Variants in PITPNB observed in about 807,000 individuals in gnomAD.
The protein encoded by PITPNB is phosphatidylinositol transfer protein beta isoform.
In PITPNB, 16 loss-of-function variants were observed where a neutral mutation model predicts 45.9. That is an observed-to-expected ratio of 0.35 (90% CI 0.24 to 0.53). The LOEUF (loss-of-function observed/expected upper bound fraction) is 0.53. PITPNB is among the 20% of genes least tolerant of loss of function. The probability of loss-of-function intolerance (pLI) is 0.93; values close to 1 mark genes in which losing one functional copy is unlikely to be tolerated. For missense variants in PITPNB, 188 were observed against 330.5 expected, an observed-to-expected ratio of 0.57 and a Z score of 3.34; for synonymous variants, 112 against 108.9, an observed-to-expected ratio of 1.03 and a Z score of -0.18.
At chr22:27,898,670 T>A (rs999092200) in intron 3 of PITPNB, among the ~76,000 whole-genome samples, 4 of 152,140 alleles carry the variant, frequency 2.6e-5, no homozygotes, top group African/African-American at 9.7e-5. Context: ...AAAGGACCCA[T>A]GCAGAAAATG....
chr22:27,890,763 G>A lies in PITPNB; in HGVS notation c.456+3792C>T, dbSNP rs1027095030. 7.9e-5 allele frequency among the ~76,000 whole-genome samples: 12 copies of A among 152,300 alleles called. 1 individual carries two copies. In the South Asian group the frequency reaches 1.7e-3, roughly 21 times the overall value. The stretch of plus-strand genomic sequence containing the variant: ...CCGGAGGCGGAGCTTGCAGTGAGCC[G>A]AGATCGCGCCACTGCACTCCAGCCT... On this transcript the variant is annotated intron_variant, in intron 7 of 11. Coordinates refer to ENST00000335272, the MANE Select transcript of PITPNB (RefSeq NM_012399.5).
chr22:27,896,060 C>T (rs1024624151), intron 6 of PITPNB, among the ~76,000 whole-genome samples: 2 of 152,212 alleles, frequency 1.3e-5, no homozygotes, highest in African/African-American at 2.4e-5. Flanking sequence ...TGTGAACCAA[C>T]TTATATAAGT....
intron 8 of PITPNB, among the ~76,000 whole-genome samples, chr22:27,868,365 T>C (rs889796216): frequency 2.0e-4 from 31 of 152,164 alleles, no homozygotes; most frequent in Non-Finnish European, 2.1e-4. Flanking sequence ...CTCCTATCCC[T>C]GGCCAAAAAA....
Position 27,855,018 on chromosome 22 carries a change from T to A in PITPNB, c.769-79A>T, listed in dbSNP as rs551652743. On this transcript the variant is annotated intron_variant, in intron 10 of 11. Transcript: ENST00000335272. ...AGTAAGCAAGGGGAGAAAAAAGATC[T>A]AGAAGAGATTATGAAGTGATGTTCA... The A allele has an allele frequency of 8.8e-4, 844 of 957,778 alleles. 15 individuals carry two copies. The South Asian group carries it at 0.011, about 12-fold the overall frequency. 59.3% of individuals were successfully genotyped at this position (957,778 alleles called of 1,614,324 possible). A position where few individuals can be genotyped will look rare whatever the true frequency, so the allele number is the denominator to read the frequency against.
intron 3 of PITPNB, among the ~76,000 whole-genome samples, chr22:27,899,289 C>A (rs1935525976): frequency 6.6e-6 from 1 of 152,176 alleles, no homozygotes; most frequent in African/African-American, 2.4e-5. Flanking sequence ...GTCTTCACAT[C>A]CTTAAAAATG....
At chr22:27,910,797 T>A (rs184773839) in intron 3 of PITPNB, 167 bp downstream of exon 3, 1 of 569,550 alleles carries the variant, frequency 1.8e-6, no homozygotes, top group African/African-American at 1.9e-5. Flanking sequence ...ATATAATCCT[T>A]TTCTAATTTA....
chr22:27,904,084 A>C (rs1227854408), intron 3 of PITPNB, among the ~76,000 whole-genome samples: 1 of 152,194 alleles, frequency 6.6e-6, no homozygotes, highest in Non-Finnish European at 1.5e-5. Flanking sequence ...AAAAGGTTAA[A>C]CACAGAGTGA....
chr22:27,873,607 T>G (rs1036251545), intron 8 of PITPNB, 131 bp downstream of exon 8: 12 of 633,170 alleles, frequency 1.9e-5, no homozygotes, highest in Admixed American at 4.9e-5. Context: ...CTGTAAGTCC[T>G]TATCGCAAAT....
chr22:27,856,101 G>T (rs1934164590), intron 10 of PITPNB, among the ~76,000 whole-genome samples: 1 of 152,142 alleles, frequency 6.6e-6, no homozygotes, highest in South Asian at 2.1e-4. Flanking sequence ...ACTTAAATGG[G>T]ATTCAACGTT....
chr22:27,864,589 T>C (rs181238561), intron 8 of PITPNB, among the ~76,000 whole-genome samples: 44 of 152,218 alleles, frequency 2.9e-4, no homozygotes, highest in Admixed American at 1.7e-3. Context: ...AGGAGACAGG[T>C]GAAATACTTC....
chr22:27,859,768 C>T (rs1415357859), intron 9 of PITPNB, among the ~76,000 whole-genome samples: 2 of 152,130 alleles, frequency 1.3e-5, no homozygotes, highest in Non-Finnish European at 2.9e-5. Flanking sequence ...TGAGATGGGG[C>T]AGGGGAGTCC....
intron 10 of PITPNB, 60 bp from the exon 11 acceptor site, chr22:27,854,999 C>T: frequency 8.7e-7 from 1 of 1,153,904 alleles, no homozygotes; most frequent in Non-Finnish European, 1.3e-6. Flanking sequence ...GGTTAGTAAG[C>T]AAGGGGAGAA....
chr22:27,903,090 AAAT>A (rs1366428700), intron 3 of PITPNB, among the ~76,000 whole-genome samples: 1 of 152,188 alleles, frequency 6.6e-6, no homozygotes, highest in Non-Finnish European at 1.5e-5. Flanking sequence ...AATGGGGGAA[AAAT>A]CTGCAAATCA....
chr22:27,894,544 G>A lies in PITPNB; in HGVS notation c.456+11C>T. ...AAGGGAACAGATTAAATGTCATTGA[G>A]TAATACTTACTGCTGGTTCAACTTG... is the stretch of plus-strand genomic sequence containing the variant. On this transcript the variant is annotated intron_variant, in intron 7 of 11. Transcript: ENST00000335272. The A allele has an allele frequency of 7.4e-7, 1 of 1,354,416 alleles. No homozygotes were observed. Among genetic ancestry groups the A allele is most frequent in the Non-Finnish European group, 1.1e-6 (1 of 944,708 alleles). The allele number at this position is 1,354,416 out of a possible 1,614,324, so 83.9% of individuals were successfully genotyped here.
intron 10 of PITPNB, among the ~76,000 whole-genome samples, chr22:27,856,905 G>C (rs1226331988): frequency 2.0e-5 from 3 of 152,158 alleles, no homozygotes; most frequent in African/African-American, 7.2e-5. Flanking sequence ...GAGGGCCAGG[G>C]GGGTGCTTGT....
chr22:27,858,516 AAAC>A lies in PITPNB; in HGVS notation c.646-10_646-8del, dbSNP rs1293322524. ...TAAATATCCGTTTTTCTTGCTTTTAAAACAACAACAAAAAAGTAGCATAAGATG... is the reference window on the plus strand; with the variant it reads ...TAAATATCCGTTTTTCTTGCTTTTAAAACAACAAAAAAGTAGCATAAGATG... On this transcript the variant is annotated splice_region_variant and splice_polypyrimidine_tract_variant and intron_variant, in intron 9 of 11. Transcript: ENST00000335272. The A allele has an allele frequency of 2.5e-4, 400 of 1,605,132 alleles. 1 individual carries two copies. Among genetic ancestry groups the A allele is most frequent in the South Asian group, 1.9e-3 (171 of 89,170 alleles).
chr22:27,913,421 G>C (rs181838845), intron 2 of PITPNB, among the ~76,000 whole-genome samples: 1 of 152,358 alleles, frequency 6.6e-6, no homozygotes, highest in Non-Finnish European at 1.5e-5. Flanking sequence ...AATGGGAACT[G>C]TGTGCAAGTT....
intron 9 of PITPNB, 83 bp downstream of exon 9, chr22:27,860,048 G>A: frequency 1.3e-6 from 1 of 763,428 alleles, no homozygotes; most frequent in Non-Finnish European, 2.3e-6. Flanking sequence ...AGGAAAAAAA[G>A]TAATAACAGA....
intron 7 of PITPNB, among the ~76,000 whole-genome samples, chr22:27,881,238 G>A (rs767026388): frequency 2.6e-5 from 4 of 152,150 alleles, no homozygotes; most frequent in African/African-American, 4.8e-5. Context: ...TGAGACAGGC[G>A]TTTGGCAAAC....
Sources: allele counts gnomAD v4.1 joint callset (sites outside exome capture counted in the v4.1 genomes callset), GRCh38; gene constraint gnomAD v4.1.1; transcripts MANE v1.5; gene names NCBI Gene and HGNC (gene_info 2026-07-23, HGNC 2026-07-21).